C12orf42: variants seen among roughly 807,000 people sequenced by gnomAD.
C12orf42 encodes uncharacterized protein C12orf42.
C12orf42 carries 25 observed loss-of-function variants against 21.6 expected under a neutral mutation model. The observed-to-expected ratio is 1.16, with a 90% CI of 0.84 to 1.62. C12orf42 has a LOEUF of 1.62. Ranked by LOEUF, C12orf42 falls within the 40% of genes most tolerant of loss-of-function variation. The pLI is 0.00. For synonymous variants in C12orf42, 174 were observed against 175.0 expected (o/e 0.99, Z 0.05); for missense variants, 483 against 459.3 (o/e 1.05, Z -0.47).
chr12:103,179,472 T>C, the C12orf42 span, among the ~76,000 whole-genome samples: 1 of 152,106 alleles, frequency 6.6e-6, no homozygotes, highest in Non-Finnish European at 1.5e-5. Flanking sequence ...AGAAGCCATG[T>C]AAGAAAAGGC....
intron 10 of C12orf42, among the ~76,000 whole-genome samples, chr12:103,256,920 T>C (rs971795348): frequency 1.3e-5 from 2 of 152,216 alleles, no homozygotes; most frequent in African/African-American, 4.8e-5. Flanking sequence ...CCAGCATCTG[T>C]TATTTTTTGA....
chr12:103,270,088 C>T (rs1191156257), intron 5 of C12orf42: 1 of 152,046 alleles, frequency 6.6e-6, no homozygotes, highest in Non-Finnish European at 1.5e-5. Flanking sequence ...AATGGGAAGT[C>T]CCTAAAGAAT....
the C12orf42 span, among the ~76,000 whole-genome samples, chr12:103,532,866 A>G: frequency 6.6e-6 from 1 of 152,240 alleles, no homozygotes; most frequent in African/African-American, 2.4e-5. Flanking sequence ...AACAGGGCAG[A>G]CACAGAGTCG....
chr12:103,290,219 T>G (rs1474961416), intron 4 of C12orf42, among the ~76,000 whole-genome samples: 3 of 152,194 alleles, frequency 2.0e-5, no homozygotes, highest in Non-Finnish European at 2.9e-5. Context: ...TCAAAACGTC[T>G]GTCATCTTCT....
At chr12:103,359,099 T>C (rs958233855) in intron 4 of C12orf42, among the ~76,000 whole-genome samples, 1 of 152,118 alleles carries the variant, frequency 6.6e-6, no homozygotes, top group Non-Finnish European at 1.5e-5. Flanking sequence ...TCTGGCCAAA[T>C]GTCAATTCCT....
At chr12:103,434,831 A>C (rs10861009) in intron 2 of C12orf42, among the ~76,000 whole-genome samples, 125,885 of 152,144 alleles carry the variant, frequency 0.83, 52,107 homozygotes, top group Admixed American at 0.88. Flanking sequence ...GGGAGGGGCG[A>C]CTGCCGTTGC....
chr12:103,217,537 A>G, the C12orf42 span, among the ~76,000 whole-genome samples: 1 of 151,788 alleles, frequency 6.6e-6, no homozygotes, highest in Non-Finnish European at 1.5e-5. Context: ...TCTCAAAAAA[A>G]AAAAAAAAAA....
chr12:103,123,819 T>G, the C12orf42 span, among the ~76,000 whole-genome samples: 13 of 151,982 alleles, frequency 8.6e-5, no homozygotes, highest in African/African-American at 2.9e-4. Flanking sequence ...TTCTTTTTAT[T>G]TAAAAGATTA....
downstream of C12orf42, among the ~76,000 whole-genome samples, chr12:103,232,719 A>AG (rs796601192): frequency 5.1e-3 from 776 of 151,924 alleles, 10 homozygotes; most frequent in African/African-American, 0.018. Flanking sequence ...TCAAAAAAAA[A>AG]AAAAAAAAAG....
chr12:103,146,516 G>T, the C12orf42 span, among the ~76,000 whole-genome samples: 1 of 113,274 alleles, frequency 8.8e-6, no homozygotes, highest in Non-Finnish European at 1.9e-5. Context: ...AAAAGAAAGA[G>T]AAAGAAAGAA....
the C12orf42 span, among the ~76,000 whole-genome samples, chr12:103,099,897 G>A: frequency 2.0e-5 from 3 of 152,156 alleles, no homozygotes; most frequent in Admixed American, 2.0e-4. Context: ...TGCATCTCTT[G>A]AGTAGATAAA....
intron 2 of C12orf42, among the ~76,000 whole-genome samples, chr12:103,455,133 CTCTG>C (rs1355019059): frequency 6.6e-6 from 1 of 152,116 alleles, no homozygotes; most frequent in Non-Finnish European, 1.5e-5. Flanking sequence ...GAGGAAAGAA[CTCTG>C]TCTTTCTCAA....
At chr12:103,483,430 C>T (rs1002053053) in intron 1 of C12orf42, among the ~76,000 whole-genome samples, 1 of 152,050 alleles carries the variant, frequency 6.6e-6, no homozygotes, top group Non-Finnish European at 1.5e-5. Flanking sequence ...CACAGTTTCC[C>T]AGAAAGGATC....
chr12:103,533,110 T>A, the C12orf42 span, among the ~76,000 whole-genome samples: 8 of 152,334 alleles, frequency 5.3e-5, no homozygotes, highest in African/African-American at 1.7e-4. Flanking sequence ...ACTAACGATA[T>A]AAATGAATAT....
At chr12:103,360,393 G>C (rs1041066377) in intron 4 of C12orf42, among the ~76,000 whole-genome samples, 3 of 151,714 alleles carry the variant, frequency 2.0e-5, no homozygotes, top group Non-Finnish European at 4.4e-5. Flanking sequence ...CATTCTGGAG[G>C]GTTCCTATTG....
the C12orf42 span, among the ~76,000 whole-genome samples, chr12:103,111,993 C>T: frequency 6.6e-6 from 1 of 152,148 alleles, no homozygotes; most frequent in African/African-American, 2.4e-5. Context: ...CAGAATTGCT[C>T]CAATTTCTGA....
chr12:103,347,070 T>A, intron 4 of C12orf42, among the ~76,000 whole-genome samples: 1 of 152,162 alleles, frequency 6.6e-6, no homozygotes. Flanking sequence ...TTTTTATTAT[T>A]ATTATACTTT....
chr12:103,533,852 C>T, the C12orf42 span, among the ~76,000 whole-genome samples: 3 of 152,166 alleles, frequency 2.0e-5, no homozygotes, highest in Non-Finnish European at 4.4e-5. Context: ...CAGAGAAATG[C>T]TTTGTGTGGA....
At chr12:103,292,434 C>A (rs1273781473) in intron 4 of C12orf42, among the ~76,000 whole-genome samples, 1 of 151,676 alleles carries the variant, frequency 6.6e-6, no homozygotes, top group African/African-American at 2.4e-5. Context: ...TAAAAGTAAC[C>A]AAGCAAGAAT....
Sources: gnomAD v4.1 joint callset for allele counts (sites outside exome capture counted in the v4.1 genomes callset) on GRCh38, gnomAD v4.1.1 for gene constraint, MANE v1.5 for transcripts, NCBI Gene and HGNC (gene_info 2026-07-23, HGNC 2026-07-21) for gene names.